Variants in GRIP1 observed in about 807,000 individuals in gnomAD.
GRIP1 encodes glutamate receptor-interacting protein 1.
In GRIP1, 45 loss-of-function variants were observed where a neutral mutation model predicts 129.9. That is an observed-to-expected ratio of 0.35 (90% CI 0.27 to 0.44). The LOEUF (loss-of-function observed/expected upper bound fraction) is 0.44, where lower values mean the gene tolerates loss of function less well. Among genes scored for constraint, GRIP1 ranks in the 20% least tolerant of loss-of-function variants. The pLI is 1.00. For synonymous variants in GRIP1, 530 were observed against 520.8 expected, an observed-to-expected ratio of 1.02 and a Z score of -0.24; for missense variants, 1,196 against 1,396.8, an observed-to-expected ratio of 0.86 and a Z score of 2.29.
chr12:66,964,353 CAT>C (rs1491322120), intron 1 of GRIP1, among the ~76,000 whole-genome samples: 3 of 152,022 alleles, frequency 2.0e-5, no homozygotes, highest in Non-Finnish European at 4.4e-5. Flanking sequence ...AGTATAAACA[CAT>C]GTGTGTGTAT....
chr12:66,879,655 G>A (rs146367737), intron 1 of GRIP1, among the ~76,000 whole-genome samples: 1 of 152,198 alleles, frequency 6.6e-6, no homozygotes, highest in East Asian at 1.9e-4. Context: ...AGAGTTAAGA[G>A]GCACTGTCAA....
At chr12:66,522,717 G>A (rs545686818) in intron 5 of GRIP1, among the ~76,000 whole-genome samples, 8 of 152,250 alleles carry the variant, frequency 5.3e-5, no homozygotes, top group Non-Finnish European at 8.8e-5. Flanking sequence ...GACTTCAGAC[G>A]ATCAAACTAC....
chr12:66,368,884 TGTG>T (rs2055308275), intron 23 of GRIP1, among the ~76,000 whole-genome samples: 1 of 152,126 alleles, frequency 6.6e-6, no homozygotes, highest in Non-Finnish European at 1.5e-5. Context: ...AATTGGAGGG[TGTG>T]CCTACTAACA....
At chr12:66,839,934 T>C (rs542189689) in intron 1 of GRIP1, among the ~76,000 whole-genome samples, 1 of 152,336 alleles carries the variant, frequency 6.6e-6, no homozygotes, top group Non-Finnish European at 1.5e-5. Context: ...TAAGTGTGTT[T>C]AATAGATACT....
intron 1 of GRIP1, among the ~76,000 whole-genome samples, chr12:66,814,559 G>A (rs2039167835): frequency 6.9e-6 from 1 of 145,678 alleles, no homozygotes; most frequent in Non-Finnish European, 1.5e-5. Flanking sequence ...CTTATTATGT[G>A]TCCAGCTGCA....
Position 66,921,004 on chromosome 12 carries a change from C to T in GRIP1, c.58+148046G>A, listed in dbSNP as rs112109510. On this transcript the variant is annotated intron_variant, in intron 1 of 1. Coordinates refer to the GRIP1 transcript ENST00000643019. Reference sequence around the variant, plus strand: ...GCACAACCCAGCCTCTGAACATAACCGTCTAGGAAATGGTGACAGGAAATT... The same window carrying T: ...GCACAACCCAGCCTCTGAACATAACTGTCTAGGAAATGGTGACAGGAAATT... 3.5e-3 allele frequency among the ~76,000 whole-genome samples: 530 copies of T among 152,248 alleles called. 4 individuals are homozygous for T. Among genetic ancestry groups the T allele is most frequent in the African/African-American group, 0.012 (503 of 41,552 alleles).
chr12:66,524,120 G>GAGAC (rs777825778), intron 5 of GRIP1, among the ~76,000 whole-genome samples: 5 of 152,030 alleles, frequency 3.3e-5, no homozygotes, highest in Admixed American at 6.6e-5. Context: ...ACAGATCAAC[G>GAGAC]AGACAGAAAG....
chr12:66,714,406 A>G (rs1206696292), intron 1 of GRIP1, among the ~76,000 whole-genome samples: 6 of 152,080 alleles, frequency 3.9e-5, no homozygotes, highest in African/African-American at 1.4e-4. Context: ...ATAAACTGGC[A>G]TAATGATCAA....
At chr12:66,808,473 TTTTGTTTG>T (rs529277448), upstream of GRIP1, among the ~76,000 whole-genome samples, 1 of 151,862 alleles carries the variant, frequency 6.6e-6, no homozygotes, top group African/African-American at 2.4e-5. Flanking sequence ...ACTTTTTGTG[TTTTGTTTG>T]TTTGTTTGTT....
intron 1 of GRIP1, among the ~76,000 whole-genome samples, chr12:66,862,873 G>A (rs1478438868): frequency 2.0e-5 from 3 of 152,010 alleles, no homozygotes; most frequent in Admixed American, 6.6e-5. Flanking sequence ...AATTTCCAAT[G>A]TGCTGCAGTT....
intron 1 of GRIP1, among the ~76,000 whole-genome samples, chr12:67,067,527 T>C (rs1181176466): frequency 3.3e-5 from 5 of 152,116 alleles, no homozygotes; most frequent in Non-Finnish European, 7.4e-5. Flanking sequence ...AGCAGAAGCA[T>C]TCCTAAAGCA....
At chr12:66,699,332 G>A (rs887582429) in intron 1 of GRIP1, among the ~76,000 whole-genome samples, 1 of 152,106 alleles carries the variant, frequency 6.6e-6, no homozygotes, top group Non-Finnish European at 1.5e-5. Context: ...GATATGGCTT[G>A]GCTGTGTCCC....
At chr12:66,668,774 GA>G (rs111840988) in intron 1 of GRIP1, among the ~76,000 whole-genome samples, 40,525 of 150,280 alleles carry the variant, frequency 0.27, 5,864 homozygotes, top group Admixed American at 0.37. Flanking sequence ...CTATCAAAAA[GA>G]AAAAAAAATA....
At chr12:66,445,962 T>C (rs938346067) in intron 11 of GRIP1, among the ~76,000 whole-genome samples, 1 of 152,196 alleles carries the variant, frequency 6.6e-6, no homozygotes, top group Non-Finnish European at 1.5e-5. Flanking sequence ...TTTTAAACAA[T>C]CCTATCTTCA....
intron 1 of GRIP1, among the ~76,000 whole-genome samples, chr12:66,875,232 C>T (rs2040363931): frequency 6.6e-6 from 1 of 152,036 alleles, no homozygotes; most frequent in South Asian, 2.1e-4. Context: ...CACATTGTTA[C>T]AAAATGGGAC....
At chr12:66,665,767 A>AT (rs1231085891) in intron 1 of GRIP1, among the ~76,000 whole-genome samples, 1 of 152,092 alleles carries the variant, frequency 6.6e-6, no homozygotes, top group African/African-American at 2.4e-5. Flanking sequence ...CGTAGCATGC[A>AT]TTTTTTTGGG....
intron 2 of GRIP1, among the ~76,000 whole-genome samples, chr12:66,555,950 G>C (rs1198110507): frequency 6.6e-6 from 1 of 152,090 alleles, no homozygotes; most frequent in Admixed American, 6.5e-5. Context: ...GCAAACCTAA[G>C]AGTTATTAAC....
intron 7 of GRIP1, among the ~76,000 whole-genome samples, chr12:66,468,103 C>G (rs927863890): frequency 6.6e-6 from 1 of 152,200 alleles, no homozygotes; most frequent in Non-Finnish European, 1.5e-5. Context: ...CAGTTAAGAA[C>G]CACATTTCCC....
intron 7 of GRIP1, among the ~76,000 whole-genome samples, chr12:66,481,106 T>G (rs1294074946): frequency 6.6e-6 from 1 of 151,974 alleles, no homozygotes; most frequent in Non-Finnish European, 1.5e-5. Context: ...TGGGATCTAA[T>G]TAAACTAAAG....
Sources: allele counts gnomAD v4.1 joint callset (sites outside exome capture counted in the v4.1 genomes callset), GRCh38; gene constraint gnomAD v4.1.1; transcripts MANE v1.5; gene names NCBI Gene and HGNC (gene_info 2026-07-23, HGNC 2026-07-21).